The following MAN1C1 variants were observed in gnomAD, a reference collection of about 807,000 sequenced individuals.
The protein encoded by MAN1C1 is mannosyl-oligosaccharide 1,2-alpha-mannosidase IC.
Under a neutral mutation model 71.5 loss-of-function variants are expected in MAN1C1, and 49 were observed. That is an observed-to-expected ratio of 0.69 (90% confidence interval 0.54 to 0.87). The LOEUF (loss-of-function observed/expected upper bound fraction) is 0.87. Among genes scored for constraint, MAN1C1 ranks in the 40% least tolerant of loss-of-function variants. MAN1C1 has a pLI of 0.00. For synonymous variants in MAN1C1, 352 were observed against 343.7 expected, an observed-to-expected ratio of 1.02 and a Z score of -0.27; for missense variants, 743 against 835.0, an observed-to-expected ratio of 0.89 and a Z score of 1.36.
rs2047131115 is a variant in MAN1C1, at chr1:25,746,563, C to G, written c.638-105C>G. On this transcript the variant is annotated intron_variant, in intron 2 of 11. Transcript: ENST00000374332. This position sits in a 1 kb window ranked among gnomAD's most constrained non-coding sequence, Gnocchi z 4.0. Reference sequence around the variant, plus strand: ...GGTGCCTGAGGCCAGCCTTTGCCACCAAGCCTGCGCTGGCATTGGAGGGGC... The same window carrying G: ...GGTGCCTGAGGCCAGCCTTTGCCACGAAGCCTGCGCTGGCATTGGAGGGGC... The G allele has an allele frequency of 2.2e-6, 2 of 908,612 alleles. No individual in the cohort carries two copies. The highest frequency in any genetic ancestry group is 1.7e-5 in the African/African-American group (1 of 60,526). 56.3% of individuals were successfully genotyped at this position (908,612 alleles called of 1,614,324 possible).
Position 25,756,919 on chromosome 1 carries a change from A to G in MAN1C1, c.930-1673A>G, listed in dbSNP as rs374632226. ...GTTTTGTTTATTCAGATCAGGAGCC[A>G]AGTTTCCCCTCCTGTGCAACCCATC... On this transcript the variant is annotated intron_variant, in intron 5 of 11. Transcript: ENST00000374332. 7.4e-4 allele frequency among the ~76,000 whole-genome samples: 113 copies of G among 152,238 alleles called. 1 individual carries two copies. The highest frequency in any genetic ancestry group is 2.5e-3 in the African/African-American group (103 of 41,522).
intron 1 of MAN1C1, among the ~76,000 whole-genome samples, chr1:25,636,746 G>A (rs961349815): frequency 6.6e-6 from 1 of 152,182 alleles, no homozygotes; most frequent in Admixed American, 6.5e-5. Flanking sequence ...AGTAAGACAG[G>A]CATAAGAAAT....
chr1:25,666,669 T>C (rs532055910), intron 1 of MAN1C1, among the ~76,000 whole-genome samples: 14 of 152,344 alleles, frequency 9.2e-5, no homozygotes, highest in South Asian at 2.1e-4. Flanking sequence ...TAGATTCTTT[T>C]CAGCTGCTGT....
intron 1 of MAN1C1, among the ~76,000 whole-genome samples, chr1:25,653,048 G>C (rs1351423201): frequency 2.0e-5 from 3 of 151,964 alleles, no homozygotes; most frequent in Non-Finnish European, 2.9e-5. Context: ...TTATCAGTAT[G>C]AGCCACCACA....
At chr1:25,766,076 G>T (rs1406047296) in intron 7 of MAN1C1, among the ~76,000 whole-genome samples, 1 of 152,156 alleles carries the variant, frequency 6.6e-6, no homozygotes, top group Non-Finnish European at 1.5e-5. Context: ...GGCTGAAAGG[G>T]GTGTGGGCTT....
intron 1 of MAN1C1, among the ~76,000 whole-genome samples, chr1:25,648,445 A>C (rs2045646618): frequency 6.6e-6 from 1 of 152,140 alleles, no homozygotes; most frequent in Admixed American, 6.5e-5. Context: ...GTTGCCAAGA[A>C]CCTGGAGGAG....
intron 2 of MAN1C1, among the ~76,000 whole-genome samples, chr1:25,740,408 T>C (rs1278286729): frequency 2.6e-5 from 4 of 152,002 alleles, no homozygotes; most frequent in African/African-American, 7.3e-5. Flanking sequence ...TGGCATGATA[T>C]GACTTGAATT....
chr1:25,642,348 A>T (rs1489311461), intron 1 of MAN1C1, among the ~76,000 whole-genome samples: 1 of 152,200 alleles, frequency 6.6e-6, no homozygotes, highest in Non-Finnish European at 1.5e-5. Context: ...AAAGAGCCTA[A>T]CCCAGTCCCA....
chr1:25,711,932 T>G lies in MAN1C1; in HGVS notation c.637+25396T>G, dbSNP rs997482977. On this transcript the variant is annotated intron_variant, in intron 2 of 11. Transcript: ENST00000374332. This position sits in a 1 kb window ranked among gnomAD's most constrained non-coding sequence, Gnocchi z 4.3. ...CAGCTTTCAGGAATGTTTGTTTAAA[T>G]GGACTCACAGTGAGTGTGTCAGGGA... is the stretch of plus-strand genomic sequence containing the variant. Among the ~76,000 whole-genome samples the G allele has an allele frequency of 6.6e-6, 1 of 152,026 alleles. No individual in the cohort carries two copies. The highest frequency in any genetic ancestry group is 2.4e-5 in the African/African-American group (1 of 41,402).
intron 5 of MAN1C1, among the ~76,000 whole-genome samples, chr1:25,758,181 A>G (rs1572199590): frequency 6.6e-6 from 1 of 152,340 alleles, no homozygotes; most frequent in African/African-American, 2.4e-5. Flanking sequence ...CACATGCAGA[A>G]CCACCAATGG....
rs7522696 is a variant in MAN1C1 at position 25,635,275 on chromosome 1, T to G, written c.540+16938T>G. 5.3e-3 allele frequency among the ~76,000 whole-genome samples: 805 copies of G among 151,614 alleles called. 13 individuals are homozygous for G. Among genetic ancestry groups the G allele is most frequent in the African/African-American group, 0.018 (736 of 41,348 alleles). On this transcript the variant is annotated intron_variant, in intron 1 of 11. Transcript: ENST00000374332. Reference sequence around the variant, plus strand: ...ATTATATAAAGCCAAGAAGTTTTTTTGGGGGGGGTTAATTATTAATTATAT... The same window carrying G: ...ATTATATAAAGCCAAGAAGTTTTTTGGGGGGGGGTTAATTATTAATTATAT...
chr1:25,738,839 G>A (rs2047018073), intron 2 of MAN1C1, among the ~76,000 whole-genome samples: 1 of 152,172 alleles, frequency 6.6e-6, no homozygotes, highest in African/African-American at 2.4e-5. Context: ...GAGGCAGGAA[G>A]TGGAAGCTGC....
chr1:25,648,204 T>C (rs940765403), intron 1 of MAN1C1, among the ~76,000 whole-genome samples: 1 of 152,246 alleles, frequency 6.6e-6, no homozygotes, highest in Non-Finnish European at 1.5e-5. Context: ...CCTGGAAGCA[T>C]CTGCTCATCA....
At chr1:25,702,763 C>G (rs912573667) in intron 2 of MAN1C1, among the ~76,000 whole-genome samples, 2 of 152,148 alleles carry the variant, frequency 1.3e-5, no homozygotes, top group African/African-American at 2.4e-5. Flanking sequence ...TAAAGTAGTA[C>G]CAATAAATAG....
Position 25,764,027 on chromosome 1 carries a change from A to G in MAN1C1, c.1141+60A>G, listed in dbSNP as rs1021753948. The G allele has an allele frequency of 9.0e-5, 124 of 1,384,724 alleles. 1 individual carries two copies. The Middle Eastern group carries it at 1.1e-3, about 12-fold the overall frequency. The allele number at this position is 1,384,724 out of a possible 1,614,324, so 85.8% of individuals were successfully genotyped here. On this transcript the variant is annotated intron_variant, in intron 7 of 11. Coordinates refer to ENST00000374332, the MANE Select transcript of MAN1C1 (RefSeq NM_020379.4). The surrounding 1 kb of genome is among the most constrained non-coding windows in gnomAD (Gnocchi z 4.4). ...GGGTTCCTGCCCAGGCTTCCTAGGA[A>G]GACCCTGCCAGGCCCCTGGGCTGAG...
intron 2 of MAN1C1, among the ~76,000 whole-genome samples, chr1:25,713,648 C>A (rs2982292): frequency 6.6e-6 from 1 of 151,976 alleles, no homozygotes; most frequent in South Asian, 2.1e-4. Flanking sequence ...GGCCCTAAGC[C>A]TTCCTGATTC....
intron 4 of MAN1C1, among the ~76,000 whole-genome samples, chr1:25,750,734 C>G (rs1462924893): frequency 2.6e-5 from 4 of 152,174 alleles, no homozygotes; most frequent in Non-Finnish European, 2.9e-5. Context: ...TTTGAGCCAC[C>G]CGGAGCCTGA....
At chr1:25,729,168 G>C (rs2046874582) in intron 2 of MAN1C1, among the ~76,000 whole-genome samples, 1 of 152,162 alleles carries the variant, frequency 6.6e-6, no homozygotes, top group Non-Finnish European at 1.5e-5. Flanking sequence ...CCAGCTGACT[G>C]GCCACATTGC....
At chr1:25,680,577 G>C (rs2046137841) in intron 1 of MAN1C1, among the ~76,000 whole-genome samples, 1 of 152,186 alleles carries the variant, frequency 6.6e-6, no homozygotes, top group African/African-American at 2.4e-5. Flanking sequence ...GGTAGCATTT[G>C]TGCATCTGGC....
Sources: gnomAD v4.1 joint callset for allele counts (sites outside exome capture counted in the v4.1 genomes callset) on GRCh38, gnomAD v4.1.1 for gene constraint, Gnocchi (gnomAD v3.1) non-coding constraint, MANE v1.5 for transcripts, NCBI Gene and HGNC (gene_info 2026-07-23, HGNC 2026-07-21) for gene names.